Variants in STAB2 observed in about 807,000 individuals in gnomAD.
STAB2 encodes the protein stabilin 2, also known as stabilin-2.
Under a neutral mutation model 338.1 loss-of-function variants are expected in STAB2, and 288 were observed. The ratio of observed to expected loss-of-function variants is 0.85; its 90% CI spans 0.77 to 0.94. The LOEUF is 0.94. Among genes scored for constraint, STAB2 ranks in the 40% least tolerant of loss-of-function variants. The pLI is 0.00. For synonymous variants in STAB2, 1,202 were observed against 1,193.3 expected (o/e 1.01, Z -0.15); for missense variants, 3,141 against 3,210.1 (o/e 0.98, Z 0.52).
chr12:103,668,724 G>A lies in STAB2; in HGVS notation c.2167G>A (p.Val723Met). The change falls in exon 20 of 69, where the codon GTG becomes ATG. Residue 723 changes from valine to methionine, a missense_variant. Physicochemically the swap from Val to Met is conservative, Grantham distance 21. Coordinates refer to ENST00000388887, the MANE Select transcript of STAB2 (RefSeq NM_017564.10). ...SGCARYCNAT[V>M]KIPKCCKGFY... ...CTGTGCCCGGTACTGCAATGCCACT[G>A]TGAAGGTGAGGAGCGCGTGGCCGAG... The A allele has an allele frequency of 6.5e-7, 1 of 1,545,528 alleles. No homozygotes were observed. The highest frequency in any genetic ancestry group is 8.8e-7 in the Non-Finnish European group (1 of 1,142,844).
At chr12:103,665,775 G>C (rs554826923) in intron 18 of STAB2, among the ~76,000 whole-genome samples, 2 of 152,162 alleles carry the variant, frequency 1.3e-5, no homozygotes, top group Non-Finnish European at 2.9e-5. Flanking sequence ...AGAGGATCTG[G>C]AGAAATTGGA....
chr12:103,698,770 T>G (rs1052142365), intron 33 of STAB2, among the ~76,000 whole-genome samples: 1 of 152,022 alleles, frequency 6.6e-6, no homozygotes, highest in Non-Finnish European at 1.5e-5. Context: ...CAGGCTGGGG[T>G]GTGGGGACTC....
intron 63 of STAB2, among the ~76,000 whole-genome samples, chr12:103,756,074 T>A (rs902637873): frequency 1.3e-5 from 2 of 151,862 alleles, no homozygotes; most frequent in Admixed American, 1.3e-4. Flanking sequence ...TCTGTTTGTA[T>A]GTGGAACAGT....
chr12:103,744,168 A>G (rs1344298789), intron 56 of STAB2, among the ~76,000 whole-genome samples: 3 of 151,966 alleles, frequency 2.0e-5, no homozygotes, highest in East Asian at 3.9e-4. Flanking sequence ...TTTTGAGACA[A>G]AATCTCACTC....
intron 52 of STAB2, 56 bp from the exon 53 acceptor site, chr12:103,737,578 C>CTT: frequency 2.6e-6 from 2 of 766,066 alleles, no homozygotes; most frequent in African/African-American, 4.9e-5. Flanking sequence ...GACTGTTTCT[C>CTT]TCTCTCTCTC....
At chr12:103,612,327 A>G (rs1372391350) in intron 3 of STAB2, among the ~76,000 whole-genome samples, 4 of 152,218 alleles carry the variant, frequency 2.6e-5, no homozygotes. Flanking sequence ...TACACCAATC[A>G]GACGTAGATT....
At chr12:103,716,300 G>C (rs1413966193) in intron 43 of STAB2, among the ~76,000 whole-genome samples, 1 of 152,184 alleles carries the variant, frequency 6.6e-6, no homozygotes, top group Non-Finnish European at 1.5e-5. Context: ...ATGGCCCTGA[G>C]TACCATGAGC....
chr12:103,693,799 A>G (rs1878162475), intron 31 of STAB2, among the ~76,000 whole-genome samples: 1 of 152,190 alleles, frequency 6.6e-6, no homozygotes, highest in Non-Finnish European at 1.5e-5. Flanking sequence ...TTTAGGGTAC[A>G]TTGGGAACTT....
intron 52 of STAB2, 90 bp downstream of exon 52, chr12:103,735,670 A>AT (rs971206190): frequency 4.5e-5 from 50 of 1,107,528 alleles, no homozygotes; most frequent in Admixed American, 1.5e-4. Context: ...GGAGATGTTC[A>AT]TTTTTTCCCC....
intron 9 of STAB2, among the ~76,000 whole-genome samples, chr12:103,642,028 A>T (rs1358849667): frequency 6.6e-6 from 1 of 152,196 alleles, no homozygotes; most frequent in Non-Finnish European, 1.5e-5. Flanking sequence ...CACCTGATCG[A>T]GAAGGGTGGG....
rs1382658328 is a variant in STAB2 at position 103,655,250 on chromosome 12, G to A, written c.1552-1G>A. 1.9e-6 allele frequency: 3 copies of A among 1,608,972 alleles called. No homozygotes were observed. Among genetic ancestry groups the A allele is most frequent in the Non-Finnish European group, 2.5e-6 (3 of 1,178,456 alleles). ...TTTTTAAGCAAAATGTCTCTTTTTA[G>A]CAAACCATAATGACAATGCTACAAC... is the stretch of plus-strand genomic sequence containing the variant. On this transcript the variant is annotated splice_acceptor_variant, in intron 13 of 68. Coordinates refer to ENST00000388887, the MANE Select transcript of STAB2 (RefSeq NM_017564.10). LOFTEE classifies it high-confidence loss of function.
intron 3 of STAB2, among the ~76,000 whole-genome samples, chr12:103,601,093 G>T (rs958466520): frequency 5.3e-5 from 8 of 152,238 alleles, no homozygotes; most frequent in Non-Finnish European, 7.3e-5. Flanking sequence ...TCTGAGCCTA[G>T]TGGCTGTGAC....
chr12:103,762,176 A>G, intron 66 of STAB2, 98 bp from the exon 67 acceptor site: 1 of 1,518,566 alleles, frequency 6.6e-7, no homozygotes, highest in Non-Finnish European at 8.9e-7. Flanking sequence ...CAGTATTTTT[A>G]TCCCCACTGG....
chr12:103,638,030 T>C lies in STAB2; in HGVS notation c.724T>C (p.Leu242=). The C allele has an allele frequency of 6.2e-7, 1 of 1,611,626 alleles. No individual in the cohort carries two copies. Among genetic ancestry groups the C allele is most frequent in the Non-Finnish European group, 8.5e-7 (1 of 1,178,122 alleles). ...TGCCTCTCAAGCCATCAATCCATGTTTACGAAAAATCTGCCACCCTCATGC... is the reference window on the plus strand; with the variant it reads ...TGCCTCTCAAGCCATCAATCCATGTCTACGAAAAATCTGCCACCCTCATGC... ...GKYCDPINPC[L]RKICHPHAHC... The change falls in exon 8 of 69, where the codon TTA becomes CTA. Residue 242 remains leucine (L), a synonymous_variant. Coordinates refer to ENST00000388887, the MANE Select transcript of STAB2 (RefSeq NM_017564.10).
intron 25 of STAB2, among the ~76,000 whole-genome samples, chr12:103,680,640 C>T (rs148211352): frequency 6.6e-6 from 1 of 152,346 alleles, no homozygotes; most frequent in Non-Finnish European, 1.5e-5. Flanking sequence ...CCCATCAGCC[C>T]TTGTGCACAA....
At chr12:103,622,333 A>C (rs1957314827) in intron 5 of STAB2, among the ~76,000 whole-genome samples, 1 of 139,398 alleles carries the variant, frequency 7.2e-6, no homozygotes, top group South Asian at 2.2e-4. Flanking sequence ...CATGTGATGA[A>C]AGAAGATTTA....
chr12:103,718,805 T>C (rs904988193), intron 44 of STAB2, among the ~76,000 whole-genome samples: 7 of 152,228 alleles, frequency 4.6e-5, no homozygotes, highest in Admixed American at 1.3e-4. Context: ...CTCCCAGCCC[T>C]GATCCACATG....
rs750212526 is a variant in STAB2, at chr12:103,730,270, CTG to C, written c.5223+16_5223+17del. On this transcript the variant is annotated intron_variant, in intron 49 of 68. Transcript: ENST00000388887. ...GGAAGAATTCTGGTAGGTAAACTCT[CTG>C]TTATGTTTTCAGCCTGGAGTGACTC... 3.6e-5 allele frequency: 58 copies of C among 1,613,330 alleles called. No individual in the cohort carries two copies. The Middle Eastern group carries it at 1.8e-3, about 51-fold the overall frequency.
chr12:103,626,315 C>T (rs1957380832), intron 5 of STAB2, among the ~76,000 whole-genome samples: 1 of 152,136 alleles, frequency 6.6e-6, no homozygotes, highest in African/African-American at 2.4e-5. Flanking sequence ...TGGCTCGTGG[C>T]TACCAAATTA....
Sources: gnomAD v4.1 joint callset for allele counts (sites outside exome capture counted in the v4.1 genomes callset) on GRCh38, gnomAD v4.1.1 for gene constraint, MANE v1.5 for transcripts, NCBI Gene and HGNC (gene_info 2026-07-23, HGNC 2026-07-21) for gene names.